HABP4: variants seen among roughly 807,000 people sequenced by gnomAD.
The protein encoded by HABP4 is hyaluronan binding protein 4, also known as intracellular hyaluronan-binding protein 4.
A neutral mutation model predicts 44.1 loss-of-function variants in HABP4; 32 were observed. That is an observed-to-expected ratio of 0.73 (90% CI 0.55 to 0.97). HABP4 has a LOEUF of 0.97. Among genes scored for constraint, HABP4 ranks in the 50% least tolerant of loss-of-function variants. The pLI is 0.00. For synonymous variants in HABP4, 216 were observed against 218.0 expected, an observed-to-expected ratio of 0.99 and a Z score of 0.08; for missense variants, 503 against 561.9, an observed-to-expected ratio of 0.90 and a Z score of 1.06.
chr9:96,490,877 A>G lies in HABP4; in HGVS notation c.*839A>G, dbSNP rs112496002. ...AGGCCTCTGCCCTCGGCTTGAGCAA[A>G]AGTTGTAAATAACTAGTATTTATTA... On this transcript the variant is annotated 3_prime_UTR_variant, in exon 8 of 8. Coordinates refer to ENST00000375249, the MANE Select transcript of HABP4 (RefSeq NM_014282.4). 10 of 152,214 alleles carry G rather than the reference A, an allele frequency of 6.6e-5. No homozygotes were observed. The highest frequency in any genetic ancestry group is 2.4e-4 in the African/African-American group (10 of 41,448). 9.4% of individuals were successfully genotyped at this position (152,214 alleles called of 1,614,324 possible). A position where few individuals can be genotyped will look rare whatever the true frequency, so the allele number is the denominator to read the frequency against.
At chr9:96,471,129 G>A in intron 5 of HABP4, 35 bp downstream of exon 5, 1 of 1,079,914 alleles carries the variant, frequency 9.3e-7, no homozygotes, top group East Asian at 2.4e-5. Flanking sequence ...TTGTGGTGTT[G>A]GTTCTCTTCT....
In HABP4 at chr9:96,490,303, T is replaced by C. The variant is rs1833067830; in HGVS notation, c.*265T>C. On this transcript the variant is annotated 3_prime_UTR_variant, in exon 8 of 8. Transcript: ENST00000375249. ...AAGAATAATGTTTAAAATGTGTATA[T>C]AGAGATAGTATAGACTCCTCCGCGG... The C allele has an allele frequency of 1.6e-5, 8 of 502,092 alleles. No individual in the cohort carries two copies. Among genetic ancestry groups the C allele is most frequent in the South Asian group, 7.4e-5 (3 of 40,548 alleles). 31.1% of individuals were successfully genotyped at this position (502,092 alleles called of 1,614,324 possible). A position where few individuals can be genotyped will look rare whatever the true frequency, so the allele number is the denominator to read the frequency against.
At chr9:96,459,906 A>T (rs1832469730) in intron 2 of HABP4, among the ~76,000 whole-genome samples, 2 of 152,154 alleles carry the variant, frequency 1.3e-5, no homozygotes, top group Non-Finnish European at 2.9e-5. Flanking sequence ...GAAAGCCTTA[A>T]TTTTGCACCT....
chr9:96,486,347 G>A (rs1234776429), intron 6 of HABP4, among the ~76,000 whole-genome samples: 1 of 152,188 alleles, frequency 6.6e-6, no homozygotes, highest in Non-Finnish European at 1.5e-5. Flanking sequence ...GGCAATCTCT[G>A]GGAGGTGTTT....
chr9:96,465,564 T>C (rs770848923), intron 3 of HABP4, 66 bp downstream of exon 3: 2 of 1,231,014 alleles, frequency 1.6e-6, no homozygotes, highest in African/African-American at 1.5e-5. Context: ...GAATCTATTA[T>C]GTGTTAATAT....
chr9:96,467,938 A>G (rs910554777), intron 4 of HABP4, among the ~76,000 whole-genome samples: 13 of 152,222 alleles, frequency 8.5e-5, no homozygotes, highest in Admixed American at 7.9e-4. Flanking sequence ...TACTTATCCT[A>G]GAGGGCCAGC....
At chr9:96,462,282 T>A (rs923213200) in intron 2 of HABP4, among the ~76,000 whole-genome samples, 2 of 151,406 alleles carry the variant, frequency 1.3e-5, no homozygotes, top group African/African-American at 4.9e-5. Flanking sequence ...TGAAACCACA[T>A]CTCTACTAAA....
At position 96,450,273 on chromosome 9, in the gene HABP4, C is replaced by T; in HGVS notation, c.-7C>T. Reference sequence around the variant, plus strand: ...TGCCCTCCCGGGCCCGCAGTGGTCGCGGCGGCATGAAGGGCGCTCTGGGGA... The same window carrying T: ...TGCCCTCCCGGGCCCGCAGTGGTCGTGGCGGCATGAAGGGCGCTCTGGGGA... On this transcript the variant is annotated 5_prime_UTR_variant, in exon 1 of 8. Coordinates refer to ENST00000375249, the MANE Select transcript of HABP4 (RefSeq NM_014282.4). The surrounding 1 kb of genome is among the most constrained non-coding windows in gnomAD (Gnocchi z 4.8). The T allele has an allele frequency of 7.0e-7, 1 of 1,435,058 alleles. No individual in the cohort carries two copies. Among genetic ancestry groups the T allele is most frequent in the Non-Finnish European group, 9.2e-7 (1 of 1,083,718 alleles). 88.9% of individuals were successfully genotyped at this position (1,435,058 alleles called of 1,614,324 possible). A position where few individuals can be genotyped will look rare whatever the true frequency, so the allele number is the denominator to read the frequency against.
Position 96,450,478 on chromosome 9 carries a change from G to A in HABP4, c.199G>A (p.Ala67Thr). 8.2e-7 allele frequency: 1 copy of A among 1,214,610 alleles called. No homozygotes were observed. Among genetic ancestry groups the A allele is most frequent in the Non-Finnish European group, 1.0e-6 (1 of 975,360 alleles). 75.2% of individuals were successfully genotyped at this position (1,214,610 alleles called of 1,614,324 possible). The change falls in exon 1 of 8, where the codon GCC becomes ACC. Residue 67 changes from alanine (A) to threonine (T), a missense_variant. By Grantham distance (58) the Ala-to-Thr change is moderately conservative (BLOSUM62 0). This residue lies in a region of HABP4 where 290 missense variants were observed against 300.5 expected (regional missense o/e 0.97). Transcript: ENST00000375249. The surrounding 1 kb of genome is among the most constrained non-coding windows in gnomAD (Gnocchi z 4.8). ...CGACGAGGCGGCGGCGGCGGCCGGG[G>A]CCGGTCCCCGCGGCGGCAGGAGCCC... Reference protein sequence around the residue: ...RRDEAAAAAGAGPRGGRSPAG... With the variant: ...RRDEAAAAAGTGPRGGRSPAG...
rs148843746 is a variant in HABP4 at position 96,459,938 on chromosome 9, C to A, written c.512+1397C>A. On this transcript the variant is annotated intron_variant, in intron 2 of 7. Transcript: ENST00000375249. Reference sequence around the variant, plus strand: ...ACCTTTTTTGGTGATTACTTCAAATCTGCTGTGTAGTAAGCACAGTCTCCT... The same window carrying A: ...ACCTTTTTTGGTGATTACTTCAAATATGCTGTGTAGTAAGCACAGTCTCCT... Among the ~76,000 whole-genome samples the A allele has an allele frequency of 1.1e-3, 166 of 152,290 alleles. 1 individual carries two copies. In the East Asian group the frequency reaches 0.026, roughly 23 times the overall value.
At chr9:96,480,903 A>G (rs1832866103) in intron 5 of HABP4, among the ~76,000 whole-genome samples, 1 of 152,172 alleles carries the variant, frequency 6.6e-6, no homozygotes, top group African/African-American at 2.4e-5. Flanking sequence ...TTCTACCATC[A>G]GCTTGGTATT....
intron 5 of HABP4, among the ~76,000 whole-genome samples, chr9:96,479,118 G>C (rs995357451): frequency 6.6e-6 from 1 of 152,142 alleles, no homozygotes; most frequent in Non-Finnish European, 1.5e-5. Context: ...GATAAAATAT[G>C]AGTTCATTCA....
intron 5 of HABP4, among the ~76,000 whole-genome samples, chr9:96,475,179 A>G (rs572934851): frequency 8.5e-5 from 13 of 152,274 alleles, no homozygotes; most frequent in African/African-American, 3.1e-4. Context: ...GATCAAGACC[A>G]TCTTGGCTAA....
In HABP4 at chr9:96,478,666, T is replaced by C. The variant is rs1587685894; in HGVS notation, c.828-5796T>C. Among the ~76,000 whole-genome samples, 3 of 151,944 alleles carry C rather than the reference T, an allele frequency of 2.0e-5. No individual in the cohort carries two copies. The East Asian group carries it at 5.8e-4, about 29-fold the overall frequency. ...GTTTTTGTTGTCATCGTTTTTTTTTTTTTCTTTTTTTAGAGACAAGATCTT... is the reference window on the plus strand; with the variant it reads ...GTTTTTGTTGTCATCGTTTTTTTTTCTTTCTTTTTTTAGAGACAAGATCTT... On this transcript the variant is annotated intron_variant, in intron 5 of 7. Transcript: ENST00000375249.
At chr9:96,452,119 C>G (rs1832293580) in intron 1 of HABP4, among the ~76,000 whole-genome samples, 1 of 149,964 alleles carries the variant, frequency 6.7e-6, no homozygotes, top group East Asian at 2.0e-4. Flanking sequence ...TCCAGCTACT[C>G]GGGAGGCTGA....
rs1477401365 is a variant in HABP4 at position 96,488,741 on chromosome 9, C to G, written c.1185+467C>G. On this transcript the variant is annotated intron_variant, in intron 7 of 7. Transcript: ENST00000375249. This position sits in a 1 kb window ranked among gnomAD's most constrained non-coding sequence, Gnocchi z 4.6. Reference sequence around the variant, plus strand: ...CAGCCAAGGCTGCCTGATTCTAGCTCTCAACACAGCACGCTCCTTACCCCT... The same window carrying G: ...CAGCCAAGGCTGCCTGATTCTAGCTGTCAACACAGCACGCTCCTTACCCCT... 4.6e-5 allele frequency among the ~76,000 whole-genome samples: 7 copies of G among 152,186 alleles called. No individual in the cohort carries two copies. The highest frequency in any genetic ancestry group is 3.3e-4 in the Admixed American group (5 of 15,284).
intron 2 of HABP4, among the ~76,000 whole-genome samples, chr9:96,464,700 A>G (rs1335392381): frequency 6.6e-6 from 1 of 152,230 alleles, no homozygotes; most frequent in Admixed American, 6.5e-5. Flanking sequence ...GTCAAATGAC[A>G]TGAAGACAAA....
chr9:96,460,730 GAT>G (rs1239099101), intron 2 of HABP4, among the ~76,000 whole-genome samples: 1 of 152,184 alleles, frequency 6.6e-6, no homozygotes, highest in African/African-American at 2.4e-5. Flanking sequence ...GAGTTTTTCT[GAT>G]GTTTCCTCGT....
chr9:96,483,672 A>G (rs182375359), intron 5 of HABP4: 1 of 152,338 alleles, frequency 6.6e-6, no homozygotes, highest in Non-Finnish European at 1.5e-5. Context: ...CCTTTGTAGT[A>G]TAAAAGTATC....
Sources: allele counts gnomAD v4.1 joint callset (sites outside exome capture counted in the v4.1 genomes callset), GRCh38; gene constraint gnomAD v4.1.1; regional missense constraint gnomAD v4.1.1; non-coding constraint Gnocchi (gnomAD v3.1); transcripts MANE v1.5; gene names NCBI Gene and HGNC (gene_info 2026-07-23, HGNC 2026-07-21).